The following MIS18BP1 variants were observed in gnomAD, a reference collection of about 807,000 sequenced individuals.
MIS18BP1 encodes mis18-binding protein 1.
A neutral mutation model predicts 116.1 loss-of-function variants in MIS18BP1; 72 were observed. The ratio of observed to expected loss-of-function variants is 0.62; its 90% CI spans 0.51 to 0.75. MIS18BP1 has a LOEUF of 0.75. MIS18BP1 is among the 30% of genes least tolerant of loss of function. MIS18BP1 has a pLI of 0.00. For missense variants in MIS18BP1, 1,363 were observed against 1,303.2 expected, an observed-to-expected ratio of 1.05 and a Z score of -0.71; for synonymous variants, 386 against 427.0, an observed-to-expected ratio of 0.90 and a Z score of 1.18.
chr14:45,245,130 C>G (rs1252964), intron 2 of MIS18BP1, among the ~76,000 whole-genome samples: 2 of 152,178 alleles, frequency 1.3e-5, no homozygotes, highest in African/African-American at 4.8e-5. Flanking sequence ...AACCCTTTCA[C>G]GCAATGTTTT....
At chr14:45,241,789 C>T (rs985461907) in intron 4 of MIS18BP1, 1 of 381,024 alleles carries the variant, frequency 2.6e-6, no homozygotes. Context: ...GACTACACAA[C>T]TAGTAATAGA....
chr14:45,233,217 C>T (rs1347132702), intron 6 of MIS18BP1, among the ~76,000 whole-genome samples: 2 of 152,002 alleles, frequency 1.3e-5, no homozygotes, highest in Non-Finnish European at 1.5e-5. Context: ...GGTTAGAATA[C>T]TGGAAACAAA....
intron 9 of MIS18BP1, among the ~76,000 whole-genome samples, chr14:45,227,263 C>T (rs986739348): frequency 2.0e-5 from 3 of 152,106 alleles, no homozygotes; most frequent in African/African-American, 7.2e-5. Flanking sequence ...AATCCCAGCA[C>T]TTTGGGAGGC....
In MIS18BP1 at chr14:45,231,223, T is replaced by C. The variant is rs1366897634; in HGVS notation, c.1512A>G (p.Ser504=). 4 of 1,614,054 alleles carry C rather than the reference T, an allele frequency of 2.5e-6. No homozygotes were observed. The South Asian group carries it at 4.4e-5, about 18-fold the overall frequency. The part of the protein sequence containing the change: ...TGRSVRDIRK[S]MKNDARENQT... ...GGTTTTCTCGTGCATCATTTTTCAT[T>C]GATTTCCTTATGTCACGGACAGATC... Residue 504 remains serine, a synonymous_variant, in exon 8 of 17, where the codon TCA becomes TCG. Coordinates refer to ENST00000310806, the MANE Select transcript of MIS18BP1 (RefSeq NM_018353.5).
In MIS18BP1 at chr14:45,231,563, A is replaced by G. The variant is rs1050007170; in HGVS notation, c.1437-265T>C. The G allele has an allele frequency of 2.9e-5, 8 of 273,196 alleles. No homozygotes were observed. The East Asian group carries it at 5.2e-4, about 18-fold the overall frequency. 16.9% of individuals were successfully genotyped at this position (273,196 alleles called of 1,614,324 possible). A position where few individuals can be genotyped will look rare whatever the true frequency, so the allele number is the denominator to read the frequency against. On this transcript the variant is annotated intron_variant, in intron 7 of 16. Transcript: ENST00000310806. ...GCTCTTATAATTCCTACTTAAACTGATATTATAGGAAAACTACAGGACAAC... is the reference window on the plus strand; with the variant it reads ...GCTCTTATAATTCCTACTTAAACTGGTATTATAGGAAAACTACAGGACAAC...
chr14:45,212,657 G>A (rs1217225800), intron 13 of MIS18BP1, among the ~76,000 whole-genome samples: 1 of 152,210 alleles, frequency 6.6e-6, no homozygotes, highest in Non-Finnish European at 1.5e-5. Flanking sequence ...TGTGCATTAA[G>A]AGGAAAAATG....
At chr14:45,226,630 A>T in intron 10 of MIS18BP1, 113 bp downstream of exon 10, 1 of 876,782 alleles carries the variant, frequency 1.1e-6, no homozygotes, top group Non-Finnish European at 1.5e-6. Flanking sequence ...TAAAAACATT[A>T]AATAATTTGC....
At chr14:45,238,592 G>A (rs759603268) in intron 4 of MIS18BP1, among the ~76,000 whole-genome samples, 1 of 152,142 alleles carries the variant, frequency 6.6e-6, no homozygotes, top group African/African-American at 2.4e-5. Flanking sequence ...AACTTTGGGA[G>A]GCCAAGTCGG....
chr14:45,219,579 T>C (rs937812106), intron 11 of MIS18BP1, among the ~76,000 whole-genome samples: 3 of 152,232 alleles, frequency 2.0e-5, no homozygotes, highest in Non-Finnish European at 4.4e-5. Flanking sequence ...GTTTATATAA[T>C]TTTTTAATGA....
chr14:45,248,055 GTT>G (rs3036381), intron 1 of MIS18BP1, among the ~76,000 whole-genome samples: 2 of 109,214 alleles, frequency 1.8e-5, no homozygotes, highest in South Asian at 3.1e-4. Flanking sequence ...TGTTTCTTTC[GTT>G]TTTTTTTTTT....
At chr14:45,240,382 C>T (rs1399369597) in intron 4 of MIS18BP1, among the ~76,000 whole-genome samples, 1 of 152,082 alleles carries the variant, frequency 6.6e-6, no homozygotes, top group Non-Finnish European at 1.5e-5. Context: ...GGCGTGGTGG[C>T]TCACACCTGT....
At chr14:45,251,801 T>G (rs1485776092) in intron 1 of MIS18BP1, among the ~76,000 whole-genome samples, 1 of 152,230 alleles carries the variant, frequency 6.6e-6, no homozygotes. Flanking sequence ...ATTTTACTAA[T>G]AAATGGAGAT....
intron 12 of MIS18BP1, 99 bp from the exon 13 acceptor site, chr14:45,217,278 G>GT (rs1316975167): frequency 7.2e-7 from 1 of 1,388,936 alleles, no homozygotes; most frequent in African/African-American, 1.5e-5. Flanking sequence ...GTGCATTCAT[G>GT]TTAAAAAAAA....
rs570725569 is a variant in MIS18BP1, at chr14:45,234,794, A to T, written c.1348+1020T>A. Among the ~76,000 whole-genome samples the T allele has an allele frequency of 9.8e-5, 15 of 152,298 alleles. No homozygotes were observed. The East Asian group carries it at 2.7e-3, about 27-fold the overall frequency. On this transcript the variant is annotated intron_variant, in intron 6 of 16. Coordinates refer to ENST00000310806, the MANE Select transcript of MIS18BP1 (RefSeq NM_018353.5). ...TCAGCTGTGTGCAAGGCATAGGTGG[A>T]AAATTAGGTTACACCAGGACTGGGG...
intron 2 of MIS18BP1, among the ~76,000 whole-genome samples, chr14:45,245,989 T>C (rs1891712721): frequency 6.6e-6 from 1 of 152,216 alleles, no homozygotes. Flanking sequence ...ATTTACCATC[T>C]GCACATTTAC....
chr14:45,231,247 T>G lies in MIS18BP1; in HGVS notation c.1488A>C (p.Arg496Ser). 1 of 1,613,330 alleles carries G rather than the reference T, an allele frequency of 6.2e-7. No homozygotes were observed. The highest frequency in any genetic ancestry group is 1.1e-5 in the South Asian group (1 of 90,940). ...TTGATTTCCTTATGTCACGGACAGA[T>G]CTTCCAGTTTTCTGTTTTTGTTTGG... ...EKTKQKQKTGRSVRDIRKSMK... is the reference protein window; with the variant it reads ...EKTKQKQKTGSSVRDIRKSMK... Residue 496 changes from arginine to serine, a missense_variant, in exon 8 of 17, where the codon AGA (arginine) becomes AGC (serine). By Grantham distance (110) the Arg-to-Ser change is moderately radical. Transcript: ENST00000310806.
chr14:45,242,761 CG>C lies in MIS18BP1; in HGVS notation c.657del (p.Tyr219Ter). On this transcript the variant is annotated frameshift_variant and splice_region_variant, in exon 3 of 17. Coordinates refer to ENST00000310806, the MANE Select transcript of MIS18BP1 (RefSeq NM_018353.5). LOFTEE classifies it high-confidence loss of function. ...TGAAAACAAACCAAAAATAGTTTAC[CG>C]TAAGTTAAATTGTGCAGTGGTGCTT... ...EKKAPLHNLT[Y>X]ELPTLNQEQE... 6.3e-7 allele frequency: 1 copy of C among 1,599,176 alleles called. No individual in the cohort carries two copies. Among genetic ancestry groups the C allele is most frequent in the Non-Finnish European group, 8.5e-7 (1 of 1,173,548 alleles).
intron 10 of MIS18BP1, 142 bp downstream of exon 10, chr14:45,226,601 A>T (rs1033424859): frequency 6.7e-6 from 5 of 746,946 alleles, no homozygotes; most frequent in Non-Finnish European, 9.1e-6. Context: ...CTTATGTAAA[A>T]ATAACAAAAC....
At chr14:45,211,311 C>G (rs778812801) in intron 13 of MIS18BP1, among the ~76,000 whole-genome samples, 5 of 152,186 alleles carry the variant, frequency 3.3e-5, no homozygotes, top group Non-Finnish European at 5.9e-5. Flanking sequence ...AAGGCCAAAA[C>G]TCACTCCCAT....
Sources: gnomAD v4.1 joint callset for allele counts (sites outside exome capture counted in the v4.1 genomes callset) on GRCh38, gnomAD v4.1.1 for gene constraint, MANE v1.5 for transcripts, NCBI Gene and HGNC (gene_info 2026-07-23, HGNC 2026-07-21) for gene names.